NFE2L3: variants seen among roughly 807,000 people sequenced by gnomAD.
NFE2L3 encodes NFE2 like bZIP transcription factor 3, also known as nuclear factor erythroid 2-related factor 3.
In NFE2L3, 18 loss-of-function variants were observed where a neutral mutation model predicts 23.5. That is an observed-to-expected ratio of 0.77 (90% CI 0.53 to 1.13). NFE2L3 has a LOEUF of 1.13. NFE2L3 is among the 50% of genes most tolerant of loss of function. The probability of loss-of-function intolerance (pLI) is 0.00; values close to 1 mark genes in which losing one functional copy is unlikely to be tolerated. For synonymous variants in NFE2L3, 424 were observed against 354.5 expected (o/e 1.20, Z -2.20); for missense variants, 1,152 against 877.2 (o/e 1.31, Z -3.96).
chr7:26,185,925 G>A lies in NFE2L3; in HGVS notation c.*142G>A. 2.8e-6 allele frequency: 2 copies of A among 724,208 alleles called. No homozygotes were observed. The highest frequency in any genetic ancestry group is 4.6e-5 in the South Asian group (2 of 43,766). 44.9% of individuals were successfully genotyped at this position (724,208 alleles called of 1,614,324 possible). A position where few individuals can be genotyped will look rare whatever the true frequency, so the allele number is the denominator to read the frequency against. ...ATAACTCAGTTAACGCTGTTTTGAA[G>A]CTTACATGGACAAATGTTTAGGACT... On this transcript the variant is annotated 3_prime_UTR_variant, in exon 4 of 4. Transcript: ENST00000056233.
chr7:26,185,337 A>T lies in NFE2L3; in HGVS notation c.1639A>T (p.Ile547Phe). The T allele has an allele frequency of 6.2e-7, 1 of 1,614,148 alleles. No homozygotes were observed. Among genetic ancestry groups the T allele is most frequent in the Non-Finnish European group, 8.5e-7 (1 of 1,180,000 alleles). Residue 547 changes from isoleucine to phenylalanine, a missense_variant, in exon 4 of 4, where the codon ATC (isoleucine) becomes TTC (phenylalanine). Ile to Phe is a conservative substitution (Grantham distance 21). Coordinates refer to ENST00000056233, the MANE Select transcript of NFE2L3 (RefSeq NM_004289.7). The part of the protein sequence containing the change: ...RDEQRAKALH[I>F]PFSVDEIVGM... ...TGAACAGCGTGCTAAAGCTTTGCAT[A>T]TCCCTTTTTCTGTAGATGAAATTGT... is the stretch of plus-strand genomic sequence containing the variant.
intron 1 of NFE2L3, among the ~76,000 whole-genome samples, chr7:26,157,556 C>T (rs370406269): frequency 6.6e-6 from 1 of 152,142 alleles, no homozygotes; most frequent in Non-Finnish European, 1.5e-5. Flanking sequence ...GGCAATTGGA[C>T]AAGAGATGAA....
In NFE2L3 at chr7:26,186,027, T is replaced by G. The variant is rs1417917220; in HGVS notation, c.*244T>G. The G allele has an allele frequency of 8.5e-6, 3 of 353,816 alleles. No homozygotes were observed. Among genetic ancestry groups the G allele is most frequent in the Non-Finnish European group, 1.5e-5 (3 of 196,644 alleles). The allele number at this position is 353,816 out of a possible 1,614,324, so 21.9% of individuals were successfully genotyped here. A position where few individuals can be genotyped will look rare whatever the true frequency, so the allele number is the denominator to read the frequency against. On this transcript the variant is annotated 3_prime_UTR_variant, in exon 4 of 4. Transcript: ENST00000056233. Reference sequence around the variant, plus strand: ...GCATTGTATACAAAATTCATAGTTATGTCCAAAGAATAGGTTAACATGAAA... The same window carrying G: ...GCATTGTATACAAAATTCATAGTTAGGTCCAAAGAATAGGTTAACATGAAA...
At chr7:26,154,619 C>T (rs140169100) in intron 1 of NFE2L3, among the ~76,000 whole-genome samples, 3 of 152,286 alleles carry the variant, frequency 2.0e-5, no homozygotes, top group Non-Finnish European at 4.4e-5. Flanking sequence ...GGTGCAATGA[C>T]GACTCACTGC....
At chr7:26,162,635 T>G (rs1784190365) in intron 1 of NFE2L3, among the ~76,000 whole-genome samples, 1 of 152,092 alleles carries the variant, frequency 6.6e-6, no homozygotes, top group Non-Finnish European at 1.5e-5. Flanking sequence ...TAGCTTCACC[T>G]ACCTAGTGGA....
chr7:26,181,139 C>G (rs914824270), intron 2 of NFE2L3, among the ~76,000 whole-genome samples: 3 of 151,996 alleles, frequency 2.0e-5, no homozygotes. Flanking sequence ...CCATGCCCAG[C>G]TAATTTTTTG....
Position 26,185,586 on chromosome 7 carries a change from G to T in NFE2L3, c.1888G>T (p.Ala630Ser), listed in dbSNP as rs762400207. ...GAGAGAGCAAGCACAATGTAACAAA[G>T]CTATTAACATAATGAAACAGAAACT... is the stretch of plus-strand genomic sequence containing the variant. ...LKREQAQCNK[A>S]INIMKQKLHD... The change falls in exon 4 of 4, where the codon GCT (alanine) becomes TCT (serine). Residue 630 changes from alanine (A) to serine (S), a missense_variant. Physicochemically the swap from Ala to Ser is moderately conservative, Grantham distance 99. Coordinates refer to ENST00000056233, the MANE Select transcript of NFE2L3 (RefSeq NM_004289.7). 6.2e-7 allele frequency: 1 copy of T among 1,613,642 alleles called. No individual in the cohort carries two copies. The highest frequency in any genetic ancestry group is 1.3e-5 in the African/African-American group (1 of 74,900).
chr7:26,171,271 C>T (rs979665695), intron 1 of NFE2L3, among the ~76,000 whole-genome samples: 3 of 152,108 alleles, frequency 2.0e-5, no homozygotes, highest in Non-Finnish European at 2.9e-5. Context: ...TTAGGCTGGG[C>T]GTGGTGGTTC....
Position 26,185,879 on chromosome 7 carries a change from T to TCTTTAAGTACTGCTA in NFE2L3, c.*100_*114dup. 3 of 1,011,334 alleles carry TCTTTAAGTACTGCTA rather than the reference T, an allele frequency of 3.0e-6. No homozygotes were observed. Among genetic ancestry groups the TCTTTAAGTACTGCTA allele is most frequent in the Non-Finnish European group, 4.3e-6 (3 of 703,070 alleles). 62.6% of individuals were successfully genotyped at this position (1,011,334 alleles called of 1,614,324 possible). A position where few individuals can be genotyped will look rare whatever the true frequency, so the allele number is the denominator to read the frequency against. The stretch of plus-strand genomic sequence containing the variant: ...CATTGAAACTGCTTCAAGAATTGTA[T>TCTTTAAGTACTGCTA]CTTTAAGTACTGCTACTTGAATAAC... On this transcript the variant is annotated 3_prime_UTR_variant, in exon 4 of 4. Transcript: ENST00000056233.
At chr7:26,180,942 G>A (rs201613351) in intron 2 of NFE2L3, among the ~76,000 whole-genome samples, 8 of 151,894 alleles carry the variant, frequency 5.3e-5, no homozygotes, top group South Asian at 2.1e-4. Flanking sequence ...GAGCATTTAC[G>A]TCACATCTTC....
chr7:26,183,430 C>T (rs1316090608), intron 2 of NFE2L3, among the ~76,000 whole-genome samples: 1 of 151,806 alleles, frequency 6.6e-6, no homozygotes, highest in Non-Finnish European at 1.5e-5. Context: ...CAGCTGTAAT[C>T]CCAGCTACTC....
intron 1 of NFE2L3, among the ~76,000 whole-genome samples, chr7:26,168,102 CCAAGTCCTTGAAATCCATT>C (rs1316582218): frequency 2.0e-5 from 3 of 149,170 alleles, no homozygotes; most frequent in Non-Finnish European, 4.5e-5. Context: ...CTGCCTCCCC[CCAAGTCCTTGAAATCCATT>C]GTGTCATTCT....
intron 3 of NFE2L3, 115 bp downstream of exon 3, chr7:26,183,899 T>C (rs1271490134): frequency 7.1e-6 from 5 of 700,888 alleles, no homozygotes; most frequent in African/African-American, 3.6e-5. Flanking sequence ...TGCTTATTTT[T>C]ACAGAAGCAC....
Position 26,186,053 on chromosome 7 carries a change from A to G in NFE2L3, c.*270A>G, listed in dbSNP as rs1262349076. The G allele has an allele frequency of 3.7e-6, 1 of 273,496 alleles. No homozygotes were observed. The highest frequency in any genetic ancestry group is 2.2e-5 in the African/African-American group (1 of 45,652). 16.9% of individuals were successfully genotyped at this position (273,496 alleles called of 1,614,324 possible). On this transcript the variant is annotated 3_prime_UTR_variant, in exon 4 of 4. Coordinates refer to ENST00000056233, the MANE Select transcript of NFE2L3 (RefSeq NM_004289.7). ...GTCCAAAGAATAGGTTAACATGAAA[A>G]CCCAGTAAGACTTTCCATCTTGGCA...
At chr7:26,184,037 G>A (rs1583940956) in intron 3 of NFE2L3, 4 of 488,996 alleles carry the variant, frequency 8.2e-6, no homozygotes. Flanking sequence ...GAATTATCAG[G>A]TATTTATCCA....
chr7:26,164,112 A>C (rs1347090460), intron 1 of NFE2L3, among the ~76,000 whole-genome samples: 2 of 152,348 alleles, frequency 1.3e-5, no homozygotes, highest in Admixed American at 1.3e-4. Context: ...TGCCACAATA[A>C]ACATATGTGT....
chr7:26,178,741 T>G (rs1784458285), intron 2 of NFE2L3, among the ~76,000 whole-genome samples: 1 of 152,156 alleles, frequency 6.6e-6, no homozygotes, highest in African/African-American at 2.4e-5. Context: ...CTCCTTTCAT[T>G]TGGGCTGTAC....
In NFE2L3 at chr7:26,185,738, G is replaced by T; in HGVS notation, c.2040G>T (p.Val680=). 6.3e-7 allele frequency: 1 copy of T among 1,588,320 alleles called. No homozygotes were observed. Among genetic ancestry groups the T allele is most frequent in the Non-Finnish European group, 8.5e-7 (1 of 1,173,658 alleles). Residue 680 remains valine (V), a synonymous_variant, in exon 4 of 4, where the codon GTG becomes GTT. Transcript: ENST00000056233. Reference sequence around the variant, plus strand: ...TCTTGATAGTACCCAAAGAACTGGTGGCCTCAGGCCACAAAAAGGAAACCC... The same window carrying T: ...TCTTGATAGTACCCAAAGAACTGGTTGCCTCAGGCCACAAAAAGGAAACCC... ...GSILIVPKEL[V]ASGHKKETQK...
chr7:26,181,257 G>A (rs1000679024), intron 2 of NFE2L3, among the ~76,000 whole-genome samples: 3 of 152,186 alleles, frequency 2.0e-5, no homozygotes, highest in African/African-American at 7.2e-5. Flanking sequence ...GATTACAGGT[G>A]TGAGCCACTG....
Sources: gnomAD v4.1 joint callset for allele counts (sites outside exome capture counted in the v4.1 genomes callset) on GRCh38, gnomAD v4.1.1 for gene constraint, MANE v1.5 for transcripts, NCBI Gene and HGNC (gene_info 2026-07-23, HGNC 2026-07-21) for gene names.